WDR53: variants seen among roughly 807,000 people sequenced by gnomAD.
The protein encoded by WDR53 is WD repeat domain 53.
In WDR53, 19 loss-of-function variants were observed where a neutral mutation model predicts 21.3. That is an observed-to-expected ratio of 0.89 (90% confidence interval 0.62 to 1.31). The LOEUF is 1.31. Among genes scored for constraint, WDR53 ranks in the 50% most tolerant of loss-of-function variants. The pLI is 0.00. For synonymous variants in WDR53, 157 were observed against 163.4 expected, an observed-to-expected ratio of 0.96 and a Z score of 0.30; for missense variants, 374 against 423.2, an observed-to-expected ratio of 0.88 and a Z score of 1.02.
chr3:196,554,891 T>C, intron 3 of WDR53, 84 bp from the exon 4 acceptor site: 1 of 1,150,436 alleles, frequency 8.7e-7, no homozygotes, highest in Non-Finnish European at 1.3e-6. Flanking sequence ...TCTAATAAAA[T>C]CGTTAAAGTA....
At chr3:196,559,930 T>C (rs1337965182) in intron 3 of WDR53, among the ~76,000 whole-genome samples, 2 of 152,150 alleles carry the variant, frequency 1.3e-5, no homozygotes, top group Non-Finnish European at 2.9e-5. Context: ...AAAACTAATA[T>C]ACACAAAGCA....
At chr3:196,562,331 G>T (rs1004827458) in intron 2 of WDR53, among the ~76,000 whole-genome samples, 1 of 152,134 alleles carries the variant, frequency 6.6e-6, no homozygotes, top group African/African-American at 2.4e-5. Flanking sequence ...GGATGATCTC[G>T]GCTCACTGCA....
intron 3 of WDR53, among the ~76,000 whole-genome samples, chr3:196,555,068 A>G (rs1734212804): frequency 6.6e-6 from 1 of 152,204 alleles, no homozygotes; most frequent in Non-Finnish European, 1.5e-5. Context: ...ATTAAAGTGT[A>G]ATTGTTAAGC....
intron 1 of WDR53, among the ~76,000 whole-genome samples, chr3:196,568,223 G>A (rs1053394865): frequency 1.3e-5 from 2 of 152,132 alleles, no homozygotes; most frequent in African/African-American, 4.8e-5. Flanking sequence ...ACAGACGTTC[G>A]CTAAGTGCCG....
chr3:196,559,557 A>C (rs1462940679), intron 3 of WDR53, among the ~76,000 whole-genome samples: 1 of 152,158 alleles, frequency 6.6e-6, no homozygotes, highest in Non-Finnish European at 1.5e-5. Flanking sequence ...GGGGAGGGAA[A>C]GGTAAAGACC....
chr3:196,556,002 A>AATATTAG (rs1734280855), intron 3 of WDR53, among the ~76,000 whole-genome samples: 2 of 152,208 alleles, frequency 1.3e-5, no homozygotes, highest in Admixed American at 6.5e-5. Context: ...AAAATAAATA[A>AATATTAG]ATATTAGAAA....
chr3:196,559,631 A>G (rs1418643641), intron 3 of WDR53, among the ~76,000 whole-genome samples: 2 of 152,218 alleles, frequency 1.3e-5, no homozygotes, highest in African/African-American at 4.8e-5. Flanking sequence ...CTTAGAAGAT[A>G]CTGTATGTAA....
At position 196,561,449 on chromosome 3, in the gene WDR53, A is replaced by C. The variant is rs145241634; in HGVS notation, c.27T>G (p.His9Gln). 3.2e-5 allele frequency: 52 copies of C among 1,613,614 alleles called. No individual in the cohort carries two copies. The African/African-American group carries it at 6.4e-4, about 20-fold the overall frequency. Residue 9 changes from histidine to glutamine, a missense_variant, in exon 3 of 4, where the codon CAT becomes CAG. Coordinates refer to ENST00000332629, the MANE Select transcript of WDR53 (RefSeq NM_182627.3). MAVKWTGG[H>Q]SSPVLCLNAS... ...CATTCAGGCAGAGGACAGGAGAAGA[A>C]TGCCCACCCGTCCACTTGACTGCCA...
rs12633857 is a variant in WDR53 at position 196,561,943 on chromosome 3, C to A, written c.-16-452G>T. ...CTGGGCAAATTACTGAACCTGTCACCCACTTTTCTTCTCTATAAAATGAGG... is the reference window on the plus strand; with the variant it reads ...CTGGGCAAATTACTGAACCTGTCACACACTTTTCTTCTCTATAAAATGAGG... On this transcript the variant is annotated intron_variant, in intron 2 of 3. Transcript: ENST00000332629. Among the ~76,000 whole-genome samples, 1,453 of 152,220 alleles carry A rather than the reference C, an allele frequency of 9.5e-3. 54 individuals are homozygous for A. The highest frequency in any genetic ancestry group is 0.067 in the South Asian group (323 of 4,822).
intron 3 of WDR53, among the ~76,000 whole-genome samples, chr3:196,558,202 G>A (rs1371384690): frequency 2.7e-5 from 4 of 150,906 alleles, no homozygotes; most frequent in East Asian, 3.9e-4. Flanking sequence ...CTTTGAATGC[G>A]CTTTGCCTAT....
chr3:196,567,751 T>TGTGTGTGTGTG (rs1735555984), intron 1 of WDR53, among the ~76,000 whole-genome samples: 6 of 143,570 alleles, frequency 4.2e-5, no homozygotes, highest in African/African-American at 1.3e-4. Flanking sequence ...GCTGAAATTC[T>TGTGTGTGTGTG]TGTGTGTGTG....
intron 2 of WDR53, among the ~76,000 whole-genome samples, chr3:196,564,395 CT>C (rs1553872894): frequency 4.6e-4 from 63 of 135,900 alleles, no homozygotes; most frequent in Admixed American, 2.5e-3. Flanking sequence ...TTTCTTTTTT[CT>C]TTTTTTTTTT....
At chr3:196,566,038 CTTCT>C (rs1413400347) in intron 2 of WDR53, among the ~76,000 whole-genome samples, 1 of 152,094 alleles carries the variant, frequency 6.6e-6, no homozygotes, top group Non-Finnish European at 1.5e-5. Flanking sequence ...AGATCACTTC[CTTCT>C]AATACCTAAA....
At chr3:196,557,210 A>C (rs1250453520) in intron 3 of WDR53, among the ~76,000 whole-genome samples, 1 of 152,218 alleles carries the variant, frequency 6.6e-6, no homozygotes, top group Non-Finnish European at 1.5e-5. Context: ...CCTTTTACAA[A>C]AACATTTCTT....
Position 196,561,039 on chromosome 3 carries a change from G to A in WDR53, c.437C>T (p.Pro146Leu). ...SNICSSVAFR[P>L]QRPQSLVSCG... The stretch of plus-strand genomic sequence containing the variant: ...TGACACCAGGCTCTGAGGCCTCTGA[G>A]GCCGAAAAGCCACTGAGGAGCAGAT... Residue 146 changes from proline to leucine, a missense_variant, in exon 3 of 4, where the codon CCT (proline) becomes CTT (leucine). Coordinates refer to ENST00000332629, the MANE Select transcript of WDR53 (RefSeq NM_182627.3). 1 of 1,614,178 alleles carries A rather than the reference G, an allele frequency of 6.2e-7. No individual in the cohort carries two copies. The highest frequency in any genetic ancestry group is 8.5e-7 in the Non-Finnish European group (1 of 1,180,030).
intron 3 of WDR53, among the ~76,000 whole-genome samples, chr3:196,555,503 CT>C: frequency 6.6e-6 from 1 of 152,210 alleles, no homozygotes; most frequent in South Asian, 2.1e-4. Context: ...TTTCATTTGG[CT>C]TTTCGTTGTT....
intron 3 of WDR53, among the ~76,000 whole-genome samples, 164 bp downstream of exon 3, chr3:196,560,832 G>A (rs1734762082): frequency 6.6e-6 from 1 of 152,168 alleles, no homozygotes; most frequent in Admixed American, 6.5e-5. Flanking sequence ...ATTCTATTAG[G>A]TTTTATCAGA....
At chr3:196,567,621 C>A (rs1047161059) in intron 1 of WDR53, among the ~76,000 whole-genome samples, 1 of 152,132 alleles carries the variant, frequency 6.6e-6, no homozygotes, top group Non-Finnish European at 1.5e-5. Context: ...ACGTAGTATA[C>A]AGTGCCTGGT....
intron 2 of WDR53, among the ~76,000 whole-genome samples, chr3:196,564,627 T>G (rs1577579523): frequency 6.6e-6 from 1 of 152,176 alleles, no homozygotes; most frequent in Admixed American, 6.5e-5. Flanking sequence ...CCTCTCAAAG[T>G]GCTGGCATCA....
Sources: gnomAD v4.1 joint callset for allele counts (sites outside exome capture counted in the v4.1 genomes callset) on GRCh38, gnomAD v4.1.1 for gene constraint, MANE v1.5 for transcripts, NCBI Gene and HGNC (gene_info 2026-07-23, HGNC 2026-07-21) for gene names.